The following MRPS10 variants were observed in gnomAD, a reference collection of about 807,000 sequenced individuals.
The protein encoded by MRPS10 is mitochondrial ribosomal protein S10.
A neutral mutation model predicts 27.5 loss-of-function variants in MRPS10; 23 were observed. That is an observed-to-expected ratio of 0.84 (90% CI 0.60 to 1.18). MRPS10 has a LOEUF of 1.18. MRPS10 is among the 50% of genes most tolerant of loss of function. MRPS10 has a pLI of 0.00. For missense variants in MRPS10, 237 were observed against 240.1 expected (o/e 0.99, Z 0.09); for synonymous variants, 88 against 84.2 (o/e 1.04, Z -0.25).
chr6:42,217,171 A>T (rs1192212529), intron 1 of MRPS10, among the ~76,000 whole-genome samples: 1 of 152,214 alleles, frequency 6.6e-6, no homozygotes, highest in East Asian at 1.9e-4. Flanking sequence ...TGTTACTTTT[A>T]AATCAATATA....
rs1184955754 is a variant in MRPS10 at position 42,208,690 on chromosome 6, CA to C, written c.522+167del. On this transcript the variant is annotated intron_variant, in intron 6 of 6. Coordinates refer to ENST00000053468, the MANE Select transcript of MRPS10 (RefSeq NM_018141.4). ...GGGCTGAAATGGCAGGATTCTGTTGCAAGGGGTGGGTAGCCCCCAACCGCTG... is the reference window on the plus strand; with the variant it reads ...GGGCTGAAATGGCAGGATTCTGTTGCAGGGGTGGGTAGCCCCCAACCGCTG... Among the ~76,000 whole-genome samples the C allele has an allele frequency of 2.0e-5, 3 of 152,114 alleles. No individual in the cohort carries two copies. The East Asian group carries it at 5.8e-4, about 29-fold the overall frequency.
Position 42,207,103 on chromosome 6 carries a change from A to T in MRPS10, c.*1186T>A, listed in dbSNP as rs1768615148. On this transcript the variant is annotated 3_prime_UTR_variant, in exon 7 of 7. Transcript: ENST00000053468. Reference sequence around the variant, plus strand: ...TGCCTCTTTCAGGGCTTTAGCCACTATTTCATTTCATGGAAAAGCAGACAT... The same window carrying T: ...TGCCTCTTTCAGGGCTTTAGCCACTTTTTCATTTCATGGAAAAGCAGACAT... 1 of 151,920 alleles carries T rather than the reference A, an allele frequency of 6.6e-6. No individual in the cohort carries two copies. Among genetic ancestry groups the T allele is most frequent in the South Asian group, 2.1e-4 (1 of 4,834 alleles). The allele number at this position is 151,920 out of a possible 1,614,324, so 9.4% of individuals were successfully genotyped here.
intron 4 of MRPS10, among the ~76,000 whole-genome samples, chr6:42,211,191 T>C (rs976193166): frequency 2.6e-5 from 4 of 152,144 alleles, no homozygotes; most frequent in Non-Finnish European, 4.4e-5. Context: ...TGGTGTTTCT[T>C]AGGGAAGATT....
chr6:42,208,542 C>G (rs1001055629), intron 6 of MRPS10, among the ~76,000 whole-genome samples, 170 bp from the exon 7 acceptor site: 2 of 152,214 alleles, frequency 1.3e-5, no homozygotes, highest in Admixed American at 6.5e-5. Context: ...CTATAAAACA[C>G]TCTCACATAC....
At chr6:42,217,593 C>G (rs1285924963) in intron 1 of MRPS10, among the ~76,000 whole-genome samples, 1 of 152,130 alleles carries the variant, frequency 6.6e-6, no homozygotes, top group Non-Finnish European at 1.5e-5. Context: ...TATTCTTGTT[C>G]CTATCTTTGC....
intron 6 of MRPS10, 87 bp from the exon 7 acceptor site, chr6:42,208,459 CT>C: frequency 1.0e-6 from 1 of 1,004,064 alleles, no homozygotes; most frequent in Non-Finnish European, 1.5e-6. Context: ...GTCAAATCCT[CT>C]TTACTTCTTT....
At chr6:42,211,731 T>A (rs201032785) in intron 4 of MRPS10, 50 bp downstream of exon 4, 2 of 1,544,886 alleles carry the variant, frequency 1.3e-6, no homozygotes, top group Non-Finnish European at 1.7e-6. Context: ...TTTTCCTGGT[T>A]GATCATATTA....
At chr6:42,216,377 A>AGTGTGTGTGT (rs1768934056) in intron 1 of MRPS10, among the ~76,000 whole-genome samples, 1 of 34,822 alleles carries the variant, frequency 2.9e-5, no homozygotes, top group African/African-American at 6.7e-5. Context: ...AGAGAGAGAG[A>AGTGTGTGTGT]GAGAGAGAGT....
In MRPS10 at chr6:42,214,401, C is replaced by A. The variant is rs1367736659; in HGVS notation, c.49-57G>T. 5.2e-6 allele frequency: 7 copies of A among 1,342,416 alleles called. No individual in the cohort carries two copies. The African/African-American group carries it at 8.9e-5, about 17-fold the overall frequency. The allele number at this position is 1,342,416 out of a possible 1,614,324, so 83.2% of individuals were successfully genotyped here. On this transcript the variant is annotated intron_variant, in intron 1 of 6. Transcript: ENST00000053468. ...AATTAAAGTCAACTACCAAACCATT[C>A]ATAATTTCCACTAAAAACTAAAAGG...
intron 3 of MRPS10, among the ~76,000 whole-genome samples, chr6:42,213,846 G>A (rs1051860767): frequency 1.3e-5 from 2 of 152,146 alleles, no homozygotes; most frequent in Non-Finnish European, 2.9e-5. Flanking sequence ...CACAAATTCT[G>A]ACAACTCTTC....
chr6:42,214,054 A>G, intron 3 of MRPS10, 66 bp downstream of exon 3: 1 of 1,389,700 alleles, frequency 7.2e-7, no homozygotes, highest in Non-Finnish European at 9.9e-7. Flanking sequence ...AAAAAAACCC[A>G]ATGAAATAAT....
chr6:42,212,027 A>T, intron 3 of MRPS10, 110 bp from the exon 4 acceptor site: 1 of 972,516 alleles, frequency 1.0e-6, no homozygotes, highest in Non-Finnish European at 1.5e-6. Flanking sequence ...ATAAATGAGG[A>T]GAAAAACACT....
At chr6:42,214,219 C>G (rs1260099902) in intron 2 of MRPS10, 27 bp from the exon 3 acceptor site, 1 of 1,609,040 alleles carries the variant, frequency 6.2e-7, no homozygotes, top group Non-Finnish European at 8.5e-7. Context: ...AAAGAGAAAC[C>G]TAAGTAAAAT....
Position 42,207,931 on chromosome 6 carries a change from C to T in MRPS10, c.*358G>A, listed in dbSNP as rs1300373443. Reference sequence around the variant, plus strand: ...GGAATCTTAAAAAAAAATAAGGGTACGAACACTCCAAGCACTTATTTTCAG... The same window carrying T: ...GGAATCTTAAAAAAAAATAAGGGTATGAACACTCCAAGCACTTATTTTCAG... On this transcript the variant is annotated 3_prime_UTR_variant, in exon 7 of 7. Transcript: ENST00000053468. The T allele has an allele frequency of 1.4e-5, 3 of 215,238 alleles. No individual in the cohort carries two copies. Among genetic ancestry groups the T allele is most frequent in the African/African-American group, 2.4e-5 (1 of 42,220 alleles). The allele number at this position is 215,238 out of a possible 1,614,324, so 13.3% of individuals were successfully genotyped here.
At chr6:42,208,461 T>A in intron 6 of MRPS10, 89 bp from the exon 7 acceptor site, 1 of 990,876 alleles carries the variant, frequency 1.0e-6, no homozygotes, top group Non-Finnish European at 1.5e-6. Flanking sequence ...CAAATCCTCT[T>A]TACTTCTTTT....
chr6:42,214,254 T>C, intron 2 of MRPS10, 26 bp downstream of exon 2: 2 of 1,610,530 alleles, frequency 1.2e-6, no homozygotes, highest in Non-Finnish European at 1.7e-6. Context: ...TTTTGTTCAA[T>C]TTAGCACATC....
At chr6:42,214,040 G>A (rs969658602) in intron 3 of MRPS10, 80 bp downstream of exon 3, 9 of 1,242,604 alleles carry the variant, frequency 7.2e-6, no homozygotes, top group Non-Finnish European at 1.0e-5. Context: ...AGAGTGTTTG[G>A]GGAAAAAAAA....
At chr6:42,210,840 C>G (rs2295277) in intron 4 of MRPS10, among the ~76,000 whole-genome samples, 83,133 of 152,146 alleles carry the variant, frequency 0.55, 24,581 homozygotes, top group East Asian at 0.83. Context: ...GTCAAGTGTG[C>G]AAGCATACAC....
At chr6:42,216,867 T>G (rs1208223423) in intron 1 of MRPS10, among the ~76,000 whole-genome samples, 1 of 152,106 alleles carries the variant, frequency 6.6e-6, no homozygotes, top group Non-Finnish European at 1.5e-5. Context: ...AGGACGTCTG[T>G]GGGGTCTGAG....
Sources: allele counts gnomAD v4.1 joint callset (sites outside exome capture counted in the v4.1 genomes callset), GRCh38; gene constraint gnomAD v4.1.1; transcripts MANE v1.5; gene names NCBI Gene and HGNC (gene_info 2026-07-23, HGNC 2026-07-21).